The following FGD5 variants were observed in gnomAD, a reference collection of about 807,000 sequenced individuals.
FGD5 encodes the protein FYVE, RhoGEF and PH domain-containing protein 5.
Under a neutral mutation model 133.4 loss-of-function variants are expected in FGD5, and 28 were observed. The ratio of observed to expected loss-of-function variants is 0.21; its 90% CI spans 0.16 to 0.29. The LOEUF (loss-of-function observed/expected upper bound fraction) is 0.29. FGD5 is among the 10% of genes least tolerant of loss of function. The pLI is 1.00. For synonymous variants in FGD5, 810 were observed against 776.5 expected (o/e 1.04, Z -0.72); for missense variants, 1,858 against 1,895.2 (o/e 0.98, Z 0.36).
intron 1 of FGD5, among the ~76,000 whole-genome samples, chr3:14,838,261 G>T (rs979574611): frequency 6.6e-6 from 1 of 152,038 alleles, no homozygotes; most frequent in African/African-American, 2.4e-5. Flanking sequence ...ACTCTTTCTC[G>T]TGCTCTGAAT....
chr3:14,849,389 T>C (rs1444947111), intron 1 of FGD5, among the ~76,000 whole-genome samples: 1 of 152,152 alleles, frequency 6.6e-6, no homozygotes, highest in Non-Finnish European at 1.5e-5. Context: ...GTGAACCGAA[T>C]GAATGGATGT....
chr3:14,828,902 A>C (rs1420083721), intron 1 of FGD5, among the ~76,000 whole-genome samples: 5 of 149,898 alleles, frequency 3.3e-5, no homozygotes, highest in Non-Finnish European at 7.4e-5. Flanking sequence ...ACTCACTGCA[A>C]CCTCTGCCTC....
rs1035973917 is a variant in FGD5 at position 14,859,605 on chromosome 3, A to G, written c.2526-4523A>G. Among the ~76,000 whole-genome samples, 13 of 151,942 alleles carry G rather than the reference A, an allele frequency of 8.6e-5. 1 individual carries two copies. In the East Asian group the frequency reaches 2.3e-3, roughly 27 times the overall value. On this transcript the variant is annotated intron_variant, in intron 1 of 19. Transcript: ENST00000285046. ...AGAAAGAAAAGTTACCCTTACCCAA[A>G]AGAAAAGAAAGAAAGAAGAAAGGTT...
intron 4 of FGD5, among the ~76,000 whole-genome samples, chr3:14,883,161 C>G (rs2037859804): frequency 6.6e-6 from 1 of 152,106 alleles, no homozygotes; most frequent in African/African-American, 2.4e-5. Flanking sequence ...TCCTGATGGC[C>G]ACAGTCCTGG....
intron 1 of FGD5, among the ~76,000 whole-genome samples, chr3:14,859,573 A>G (rs1689580): frequency 3.3e-5 from 5 of 151,736 alleles, no homozygotes; most frequent in South Asian, 2.1e-4. Context: ...AAAAAATAAT[A>G]AAAGAAAGAA....
chr3:14,877,802 C>T (rs2037748901), intron 2 of FGD5, among the ~76,000 whole-genome samples: 2 of 152,168 alleles, frequency 1.3e-5, no homozygotes, highest in African/African-American at 2.4e-5. Context: ...TCTTGCATCA[C>T]CCCAAGCCCT....
intron 13 of FGD5, chr3:14,920,438 C>A: frequency 6.6e-6 from 1 of 151,918 alleles, no homozygotes. Flanking sequence ...TGAAGGATTA[C>A]TTGAGGCCAG....
chr3:14,850,801 G>T (rs1174619264), intron 1 of FGD5, among the ~76,000 whole-genome samples: 4 of 151,964 alleles, frequency 2.6e-5, no homozygotes. Context: ...GGCAGTGGTG[G>T]GTGGGAGGGA....
intron 1 of FGD5, among the ~76,000 whole-genome samples, chr3:14,844,211 AAAAAAAATATAT>A (rs1291577830): frequency 7.2e-5 from 3 of 41,458 alleles, no homozygotes; most frequent in Non-Finnish European, 1.4e-4. Context: ...CATTAAAAAA[AAAAAAAATATAT>A]ATATATATAT....
intron 18 of FGD5, among the ~76,000 whole-genome samples, chr3:14,928,597 T>C (rs2038853307): frequency 6.6e-6 from 1 of 151,922 alleles, no homozygotes; most frequent in South Asian, 2.1e-4. Context: ...ATACAAAAAT[T>C]AGCCAGGGAT....
At chr3:14,884,384 C>T (rs558488470) in intron 4 of FGD5, among the ~76,000 whole-genome samples, 1 of 152,312 alleles carries the variant, frequency 6.6e-6, no homozygotes, top group South Asian at 2.1e-4. Flanking sequence ...CATGACCTGG[C>T]CCCTGTCCAC....
chr3:14,844,214 AAAAATATAT>A (rs1233896723), intron 1 of FGD5, among the ~76,000 whole-genome samples: 4 of 35,550 alleles, frequency 1.1e-4, no homozygotes, highest in African/African-American at 2.3e-4. Flanking sequence ...TAAAAAAAAA[AAAAATATAT>A]ATATATATAT....
At chr3:14,913,313 G>A (rs959211037) in intron 11 of FGD5, among the ~76,000 whole-genome samples, 2 of 152,182 alleles carry the variant, frequency 1.3e-5, no homozygotes, top group African/African-American at 2.4e-5. Flanking sequence ...CCCGCTGACA[G>A]TTGTTCCATG....
At chr3:14,932,140 T>G in intron 18 of FGD5, 1 of 155,992 alleles carries the variant, frequency 6.4e-6, no homozygotes, top group Non-Finnish European at 1.4e-5. Flanking sequence ...TGGGGTGCAA[T>G]GGTGCGATCT....
intron 1 of FGD5, among the ~76,000 whole-genome samples, chr3:14,829,049 C>T (rs1297575104): frequency 1.3e-5 from 2 of 152,052 alleles, no homozygotes; most frequent in East Asian, 1.9e-4. Flanking sequence ...CTGCCTCGGC[C>T]TCCCAAAATG....
intron 2 of FGD5, among the ~76,000 whole-genome samples, chr3:14,869,441 A>G (rs2037562372): frequency 6.6e-6 from 1 of 152,254 alleles, no homozygotes. Flanking sequence ...GGGAAAATAC[A>G]CATAACATAA....
chr3:14,907,093 G>A (rs1297967857), intron 9 of FGD5, among the ~76,000 whole-genome samples: 1 of 152,232 alleles, frequency 6.6e-6, no homozygotes, highest in African/African-American at 2.4e-5. Context: ...GGTTCAAGGG[G>A]CACCTGCCCA....
intron 1 of FGD5, among the ~76,000 whole-genome samples, chr3:14,848,298 C>T (rs1029030421): frequency 1.3e-4 from 20 of 152,222 alleles, no homozygotes; most frequent in African/African-American, 3.1e-4. Context: ...ACTGCCACAC[C>T]CCAAACGCCT....
intron 9 of FGD5, among the ~76,000 whole-genome samples, chr3:14,902,549 G>A (rs1216284457): frequency 2.0e-5 from 3 of 152,272 alleles, no homozygotes; most frequent in South Asian, 4.1e-4. Flanking sequence ...GGCTGAATCA[G>A]CTAGGTATGA....
Sources: gnomAD v4.1 joint callset for allele counts (sites outside exome capture counted in the v4.1 genomes callset) on GRCh38, gnomAD v4.1.1 for gene constraint, MANE v1.5 for transcripts, NCBI Gene and HGNC (gene_info 2026-07-23, HGNC 2026-07-21) for gene names.